The following RFX3 variants were observed in gnomAD, a reference collection of about 807,000 sequenced individuals.
RFX3 encodes transcription factor RFX3.
RFX3 carries 14 observed loss-of-function variants against 98.6 expected under a neutral mutation model. The ratio of observed to expected loss-of-function variants is 0.14; its 90% CI spans 0.09 to 0.22. The LOEUF (loss-of-function observed/expected upper bound fraction) is 0.22. RFX3 is among the 10% of genes least tolerant of loss of function. RFX3 has a pLI of 1.00. For missense variants in RFX3, 639 were observed against 926.9 expected (o/e 0.69, Z 4.03); for synonymous variants, 383 against 328.4 (o/e 1.17, Z -1.80).
chr9:3,347,976 C>G (rs1834634087), intron 2 of RFX3, among the ~76,000 whole-genome samples: 1 of 152,270 alleles, frequency 6.6e-6, no homozygotes, highest in East Asian at 1.9e-4. Context: ...AAAACTCAGT[C>G]ATTGTTAAAA....
At chr9:3,333,298 T>C (rs1418743699) in intron 3 of RFX3, among the ~76,000 whole-genome samples, 2 of 152,174 alleles carry the variant, frequency 1.3e-5, no homozygotes, top group African/African-American at 4.8e-5. Flanking sequence ...TAATTTACAA[T>C]ATATATTTTA....
intron 4 of RFX3, among the ~76,000 whole-genome samples, chr9:3,314,091 C>T (rs983776071): frequency 2.6e-4 from 39 of 152,060 alleles, no homozygotes; most frequent in Admixed American, 2.0e-4. Context: ...AAAGTTGAAA[C>T]AAAGGAAAAA....
chr9:3,458,984 C>T (rs941965760), intron 1 of RFX3, among the ~76,000 whole-genome samples: 1 of 152,110 alleles, frequency 6.6e-6, no homozygotes, highest in Non-Finnish European at 1.5e-5. Context: ...TAAATAAATG[C>T]TAAGAATTTC....
chr9:3,424,109 T>C (rs990344183), intron 1 of RFX3, among the ~76,000 whole-genome samples: 7 of 149,816 alleles, frequency 4.7e-5, no homozygotes, highest in South Asian at 2.1e-4. Flanking sequence ...ATCGCGCCAC[T>C]ACACTCCAGC....
intron 2 of RFX3, among the ~76,000 whole-genome samples, chr9:3,366,115 G>C (rs1025062148): frequency 6.6e-6 from 1 of 152,004 alleles, no homozygotes; most frequent in African/African-American, 2.4e-5. Context: ...AAGCATACTA[G>C]CTCCTAAATG....
At chr9:3,275,239 G>A (rs111609378) in intron 9 of RFX3, among the ~76,000 whole-genome samples, 85 of 152,092 alleles carry the variant, frequency 5.6e-4, no homozygotes, top group African/African-American at 1.9e-3. Context: ...ATACCTAGAG[G>A]TGGAATTGCT....
At position 3,305,216 on chromosome 9, in the gene RFX3, T is replaced by C. The variant is rs1829139300; in HGVS notation, c.475-3596A>G. 2.0e-5 allele frequency among the ~76,000 whole-genome samples: 3 copies of C among 152,074 alleles called. No homozygotes were observed. The South Asian group carries it at 6.2e-4, about 32-fold the overall frequency. The stretch of plus-strand genomic sequence containing the variant: ...GAGCTATAAATATACATTTCATGTA[T>C]ATATGGGAGTGGTATGAGTGAGGCT... On this transcript the variant is annotated intron_variant, in intron 4 of 16. Transcript: ENST00000617270.
At chr9:3,373,013 T>C (rs772520529) in intron 2 of RFX3, among the ~76,000 whole-genome samples, 1 of 152,168 alleles carries the variant, frequency 6.6e-6, no homozygotes, top group Non-Finnish European at 1.5e-5. Flanking sequence ...AATACAAAAC[T>C]AAAAATAATA....
chr9:3,292,316 T>C (rs957574774), intron 6 of RFX3, among the ~76,000 whole-genome samples: 2 of 152,064 alleles, frequency 1.3e-5, no homozygotes, highest in Non-Finnish European at 2.9e-5. Context: ...GCCCCAGAGT[T>C]CTAAGTATTC....
intron 1 of RFX3, among the ~76,000 whole-genome samples, chr9:3,433,451 A>C (rs962554134): frequency 5.3e-5 from 8 of 152,152 alleles, no homozygotes; most frequent in Admixed American, 5.2e-4. Flanking sequence ...ATTTACTGTA[A>C]GAATACAGTA....
chr9:3,427,405 ATATT>A (rs1341072643), intron 1 of RFX3, among the ~76,000 whole-genome samples: 1 of 138,232 alleles, frequency 7.2e-6, no homozygotes, highest in East Asian at 2.0e-4. Context: ...ATATAAATAT[ATATT>A]GTTATATAAT....
intron 1 of RFX3, among the ~76,000 whole-genome samples, chr9:3,446,223 C>G (rs1260950958): frequency 3.3e-5 from 5 of 152,030 alleles, no homozygotes; most frequent in Non-Finnish European, 7.4e-5. Context: ...AGAAACAGTA[C>G]TTGCATAGGG....
intron 7 of RFX3, among the ~76,000 whole-genome samples, chr9:3,279,328 T>G (rs1825636197): frequency 6.6e-6 from 1 of 151,884 alleles, no homozygotes; most frequent in South Asian, 2.1e-4. Flanking sequence ...CTAAAATTGT[T>G]TAACCATGTT....
At chr9:3,243,106 C>T (rs898531582) in intron 15 of RFX3, among the ~76,000 whole-genome samples, 1 of 151,836 alleles carries the variant, frequency 6.6e-6, no homozygotes, top group African/African-American at 2.4e-5. Context: ...CATTTTTCTG[C>T]TCAATTTGTC....
At chr9:3,523,108 A>G (rs1171521604) in intron 1 of RFX3, among the ~76,000 whole-genome samples, 2 of 152,220 alleles carry the variant, frequency 1.3e-5, no homozygotes, top group Non-Finnish European at 2.9e-5. Flanking sequence ...ATTTAATACA[A>G]TTCATAGGCA....
intron 5 of RFX3, among the ~76,000 whole-genome samples, chr9:3,294,790 C>A (rs1356628492): frequency 6.6e-6 from 1 of 151,956 alleles, no homozygotes; most frequent in Admixed American, 6.6e-5. Context: ...CAAGACAAAC[C>A]AGAGTACTTT....
intron 1 of RFX3, among the ~76,000 whole-genome samples, chr9:3,493,566 C>A (rs991782764): frequency 6.6e-6 from 1 of 151,272 alleles, no homozygotes; most frequent in Non-Finnish European, 1.5e-5. Context: ...CGCCTGTATT[C>A]CCAGCTACTC....
chr9:3,336,734 TCTTAACTG>T (rs1833230147), intron 3 of RFX3, among the ~76,000 whole-genome samples: 1 of 152,162 alleles, frequency 6.6e-6, no homozygotes, highest in Non-Finnish European at 1.5e-5. Context: ...TAAACAATTT[TCTTAACTG>T]CAGGCCATGA....
intron 1 of RFX3, among the ~76,000 whole-genome samples, chr9:3,506,599 C>T (rs141824448): frequency 0.011 from 1,726 of 151,902 alleles, 26 homozygotes; most frequent in South Asian, 0.031. Context: ...CATTCCCCAA[C>T]TTCTGAAAGT....
Sources: gnomAD v4.1 joint callset for allele counts (sites outside exome capture counted in the v4.1 genomes callset) on GRCh38, gnomAD v4.1.1 for gene constraint, MANE v1.5 for transcripts, NCBI Gene and HGNC (gene_info 2026-07-23, HGNC 2026-07-21) for gene names.